Variants in MALT1 observed in about 807,000 individuals in gnomAD.
The protein encoded by MALT1 is mucosa-associated lymphoid tissue lymphoma translocation protein 1.
MALT1 carries 36 observed loss-of-function variants against 85.5 expected under a neutral mutation model. The ratio of observed to expected loss-of-function variants is 0.42; its 90% CI spans 0.32 to 0.56. MALT1 has a LOEUF of 0.56. MALT1 is among the 20% of genes least tolerant of loss of function. The pLI is 0.10. For missense variants in MALT1, 716 were observed against 981.6 expected (o/e 0.73, Z 3.62); for synonymous variants, 359 against 361.3 (o/e 0.99, Z 0.07).
intron 2 of MALT1, chr18:58,690,875 A>G: frequency 4.5e-6 from 1 of 222,150 alleles, no homozygotes; most frequent in South Asian, 7.7e-5. Flanking sequence ...TCTGAATTTG[A>G]TCTCTCATGC....
At chr18:58,683,893 C>T (rs1038597482) in intron 2 of MALT1, among the ~76,000 whole-genome samples, 4 of 152,080 alleles carry the variant, frequency 2.6e-5, no homozygotes, top group African/African-American at 9.7e-5. Context: ...CTCTTCAGTA[C>T]ATTTGTGAGC....
chr18:58,752,553 C>T lies in MALT1; in HGVS notation c.*4711C>T. The T allele has an allele frequency of 6.8e-6, 1 of 146,076 alleles. No individual in the cohort carries two copies. The highest frequency in any genetic ancestry group is 1.5e-5 in the Non-Finnish European group (1 of 67,382). The allele number at this position is 146,076 out of a possible 1,614,324, so 9.0% of individuals were successfully genotyped here. A position where few individuals can be genotyped will look rare whatever the true frequency, so the allele number is the denominator to read the frequency against. On this transcript the variant is annotated 3_prime_UTR_variant, in exon 17 of 17. Transcript: ENST00000649217. ...CAGCACTTCGGGAGACTGCGGTAAGCAGATCATTTGAACCCAGGAGTTTGA... is the reference window on the plus strand; with the variant it reads ...CAGCACTTCGGGAGACTGCGGTAAGTAGATCATTTGAACCCAGGAGTTTGA...
chr18:58,709,281 T>C (rs2054799036), intron 4 of MALT1, 97 bp from the exon 5 acceptor site: 5 of 743,878 alleles, frequency 6.7e-6, no homozygotes, highest in Non-Finnish European at 1.0e-5. Flanking sequence ...TTAAAAATTG[T>C]AACAAATGAA....
At position 58,747,677 on chromosome 18, in the gene MALT1, T is replaced by C. The variant is rs2055388770; in HGVS notation, c.2310T>C (p.Asn770=). ...VYHSHPGNPS[N]VTPADSCHCS... Reference sequence around the variant, plus strand: ...ATTCACATCCTGGTAATCCAAGTAATGTTACACCAGCAGATAGCTGTCATT... The same window carrying C: ...ATTCACATCCTGGTAATCCAAGTAACGTTACACCAGCAGATAGCTGTCATT... Residue 770 remains asparagine, a synonymous_variant, in exon 17 of 17, where the codon AAT becomes AAC. Transcript: ENST00000649217. 3.1e-6 allele frequency: 5 copies of C among 1,614,094 alleles called. 1 individual carries two copies. The South Asian group carries it at 3.3e-5, about 11-fold the overall frequency.
At chr18:58,693,921 C>T (rs776846791) in intron 2 of MALT1, among the ~76,000 whole-genome samples, 19 of 152,220 alleles carry the variant, frequency 1.2e-4, no homozygotes, top group Non-Finnish European at 2.4e-4. Context: ...CCTGTCACAT[C>T]GAAACTTGGG....
At position 58,671,610 on chromosome 18, in the gene MALT1, G is replaced by A. The variant is rs1265425680; in HGVS notation, c.-34G>A. 23 of 1,198,136 alleles carry A rather than the reference G, an allele frequency of 1.9e-5. No homozygotes were observed. In the Admixed American group the frequency reaches 2.2e-4, roughly 11 times the overall value. The allele number at this position is 1,198,136 out of a possible 1,614,324, so 74.2% of individuals were successfully genotyped here. A position where few individuals can be genotyped will look rare whatever the true frequency, so the allele number is the denominator to read the frequency against. On this transcript the variant is annotated 5_prime_UTR_variant, in exon 1 of 17. Coordinates refer to ENST00000649217, the MANE Select transcript of MALT1 (RefSeq NM_006785.4). The stretch of plus-strand genomic sequence containing the variant: ...CCGAGGCCCGTGACGGGGCGGGCGG[G>A]AGCCCCGGCAGTCCGGGGTCGCCGG...
chr18:58,723,746 T>C (rs1339999166), intron 10 of MALT1, among the ~76,000 whole-genome samples: 1 of 152,226 alleles, frequency 6.6e-6, no homozygotes, highest in African/African-American at 2.4e-5. Flanking sequence ...GGGCATATAA[T>C]AGTAATTTGT....
Position 58,732,280 on chromosome 18 carries a change from A to G in MALT1, c.1223-1117A>G, listed in dbSNP as rs77993023. ...GTTTTGTCCAGTACTTTTATGAAGA[A>G]GTTCAGACTGATATTTTTGTTGTTT... is the stretch of plus-strand genomic sequence containing the variant. On this transcript the variant is annotated intron_variant, in intron 10 of 16. Transcript: ENST00000649217. Among the ~76,000 whole-genome samples the G allele has an allele frequency of 8.2e-3, 1,249 of 152,320 alleles. 13 individuals carry two copies. Among genetic ancestry groups the G allele is most frequent in the African/African-American group, 0.028 (1,157 of 41,570 alleles).
At chr18:58,746,398 A>AT (rs1057023805) in intron 16 of MALT1, among the ~76,000 whole-genome samples, 2 of 152,004 alleles carry the variant, frequency 1.3e-5, no homozygotes, top group East Asian at 1.9e-4. Flanking sequence ...GCAAATTAGA[A>AT]TTTTTTTTCC....
At chr18:58,711,897 T>G (rs561918320) in intron 7 of MALT1, among the ~76,000 whole-genome samples, 1 of 152,338 alleles carries the variant, frequency 6.6e-6, no homozygotes, top group East Asian at 1.9e-4. Context: ...CTGTTAACCC[T>G]GTTTGAGGGA....
chr18:58,725,607 G>A (rs1034751358), intron 10 of MALT1, among the ~76,000 whole-genome samples: 7 of 152,214 alleles, frequency 4.6e-5, no homozygotes, highest in Non-Finnish European at 8.8e-5. Flanking sequence ...TAGAAGTGAT[G>A]AGGTGTAAGG....
intron 2 of MALT1, among the ~76,000 whole-genome samples, chr18:58,688,396 A>C (rs1301677842): frequency 6.6e-6 from 1 of 151,734 alleles, no homozygotes; most frequent in African/African-American, 2.4e-5. Context: ...ATTAAAAGCT[A>C]CTTTGTCTTG....
At chr18:58,720,290 C>T (rs2054965445) in intron 9 of MALT1, among the ~76,000 whole-genome samples, 1 of 152,120 alleles carries the variant, frequency 6.6e-6, no homozygotes, top group Non-Finnish European at 1.5e-5. Context: ...TCACTCTTAC[C>T]TCCTCAAATT....
intron 14 of MALT1, among the ~76,000 whole-genome samples, chr18:58,744,108 T>G (rs2055336160): frequency 6.6e-6 from 1 of 152,120 alleles, no homozygotes; most frequent in Admixed American, 6.5e-5. Flanking sequence ...TATTTTTGAT[T>G]GCCACAATAA....
chr18:58,702,635 T>C (rs537481666), intron 4 of MALT1, among the ~76,000 whole-genome samples: 1 of 152,376 alleles, frequency 6.6e-6, no homozygotes, highest in African/African-American at 2.4e-5. Context: ...ATAGTAGTCT[T>C]GCTGCTCACT....
chr18:58,694,098 A>G (rs1477523800), intron 2 of MALT1, among the ~76,000 whole-genome samples: 2 of 152,186 alleles, frequency 1.3e-5, no homozygotes, highest in East Asian at 1.9e-4. Context: ...TTTCAGAAAA[A>G]TTCTGAACTT....
At chr18:58,704,163 CA>C (rs1401875052) in intron 4 of MALT1, among the ~76,000 whole-genome samples, 1 of 152,146 alleles carries the variant, frequency 6.6e-6, no homozygotes, top group Non-Finnish European at 1.5e-5. Context: ...CTTTTCTGGA[CA>C]TATGTTTTAT....
Position 58,754,297 on chromosome 18 carries a change from A to G in MALT1, c.*6455A>G, listed in dbSNP as rs1244766316. On this transcript the variant is annotated 3_prime_UTR_variant, in exon 17 of 17. Coordinates refer to ENST00000649217, the MANE Select transcript of MALT1 (RefSeq NM_006785.4). ...TTCTTCCATGAAAAACACTTTTAAAATATTGAAACATTATAGGAGCAGAAG... is the reference window on the plus strand; with the variant it reads ...TTCTTCCATGAAAAACACTTTTAAAGTATTGAAACATTATAGGAGCAGAAG... 2 of 152,242 alleles carry G rather than the reference A, an allele frequency of 1.3e-5. No homozygotes were observed. The highest frequency in any genetic ancestry group is 2.9e-5 in the Non-Finnish European group (2 of 68,040). The allele number at this position is 152,242 out of a possible 1,614,324, so 9.4% of individuals were successfully genotyped here.
intron 14 of MALT1, 91 bp downstream of exon 14, chr18:58,742,105 T>G (rs1328007913): frequency 2.4e-5 from 27 of 1,125,944 alleles, no homozygotes; most frequent in Non-Finnish European, 2.9e-5. Context: ...CCTCCCAGTT[T>G]TACAGTGAAA....
Sources: allele counts gnomAD v4.1 joint callset (sites outside exome capture counted in the v4.1 genomes callset), GRCh38; gene constraint gnomAD v4.1.1; transcripts MANE v1.5; gene names NCBI Gene and HGNC (gene_info 2026-07-23, HGNC 2026-07-21).